Variants in SPON1 observed in about 807,000 individuals in gnomAD.
SPON1 encodes spondin 1.
In SPON1, 52 loss-of-function variants were observed where a neutral mutation model predicts 111.7. The ratio of observed to expected loss-of-function variants is 0.47; its 90% CI spans 0.37 to 0.59. SPON1 has a LOEUF of 0.59. Ranked by LOEUF, SPON1 falls within the 20% of genes least tolerant of loss-of-function variation. SPON1 has a pLI of 0.00. For synonymous variants in SPON1, 410 were observed against 395.8 expected, an observed-to-expected ratio of 1.04 and a Z score of -0.43; for missense variants, 957 against 1,068.5, an observed-to-expected ratio of 0.90 and a Z score of 1.46.
chr11:14,002,515 G>A (rs1265371319), intron 2 of SPON1, among the ~76,000 whole-genome samples: 3 of 152,170 alleles, frequency 2.0e-5, no homozygotes, highest in African/African-American at 7.2e-5. Flanking sequence ...GGACAGGGCT[G>A]AAGACTGGGG....
chr11:13,963,968 A>G (rs1554907795), intron 1 of SPON1, among the ~76,000 whole-genome samples: 1 of 152,150 alleles, frequency 6.6e-6, no homozygotes, highest in Non-Finnish European at 1.5e-5. Flanking sequence ...TCCACGTCCC[A>G]GGGATGTCGC....
intron 6 of SPON1, among the ~76,000 whole-genome samples, chr11:14,152,167 G>C (rs147627414): frequency 2.5e-4 from 38 of 152,314 alleles, no homozygotes; most frequent in Non-Finnish European, 4.4e-4. Flanking sequence ...ATGTCTCATA[G>C]TACATTGAGA....
intron 6 of SPON1, among the ~76,000 whole-genome samples, chr11:14,198,817 A>T (rs1554935317): frequency 6.6e-6 from 1 of 152,240 alleles, no homozygotes; most frequent in Admixed American, 6.5e-5. Context: ...CTTACTTAAT[A>T]ATTTACTTGC....
At chr11:14,243,223 C>A in intron 6 of SPON1, 109 bp from the exon 7 acceptor site, 1 of 1,050,358 alleles carries the variant, frequency 9.5e-7, no homozygotes, top group Non-Finnish European at 1.4e-6. Context: ...GCAGGAAAAG[C>A]CCCAACAGCA....
At position 14,179,123 on chromosome 11, in the gene SPON1, C is replaced by G. The variant is rs142476036; in HGVS notation, c.825+43555C>G. ...CTTTTTTCAGTTCATTGCACCACAA[C>G]TCAGTCAGCTCTGTATTGGGAAATA... is the stretch of plus-strand genomic sequence containing the variant. On this transcript the variant is annotated intron_variant, in intron 6 of 15. Transcript: ENST00000576479. Among the ~76,000 whole-genome samples the G allele has an allele frequency of 9.8e-5, 15 of 152,290 alleles. No individual in the cohort carries two copies. In the East Asian group the frequency reaches 2.9e-3, roughly 29 times the overall value.
chr11:14,195,558 G>T (rs1298531347), intron 6 of SPON1, among the ~76,000 whole-genome samples: 1 of 152,216 alleles, frequency 6.6e-6, no homozygotes, highest in Non-Finnish European at 1.5e-5. Context: ...AGGGTGAAAT[G>T]TCAGGTCCTA....
At chr11:14,053,393 T>C (rs1182579676) in intron 3 of SPON1, among the ~76,000 whole-genome samples, 3 of 152,234 alleles carry the variant, frequency 2.0e-5, no homozygotes, top group African/African-American at 7.2e-5. Context: ...AATGGAAGCA[T>C]ACAATGTGTG....
Position 14,156,968 on chromosome 11 carries a change from A to C in SPON1, c.825+21400A>C, listed in dbSNP as rs182939886. 4.6e-5 allele frequency among the ~76,000 whole-genome samples: 7 copies of C among 152,318 alleles called. No individual in the cohort carries two copies. In the East Asian group the frequency reaches 1.3e-3, roughly 29 times the overall value. Reference sequence around the variant, plus strand: ...GACCAGACCCCTTCTCCAACATTGAAGATTACAATTCAACATGAGATTTGG... The same window carrying C: ...GACCAGACCCCTTCTCCAACATTGACGATTACAATTCAACATGAGATTTGG... On this transcript the variant is annotated intron_variant, in intron 6 of 15. Transcript: ENST00000576479.
At chr11:14,036,004 C>A (rs1159462098) in intron 2 of SPON1, among the ~76,000 whole-genome samples, 2 of 152,066 alleles carry the variant, frequency 1.3e-5, no homozygotes, top group African/African-American at 2.4e-5. Context: ...TTTAAAAAGG[C>A]TTTGGAAATA....
At chr11:14,254,811 C>T in intron 8 of SPON1, 82 bp downstream of exon 8, 2 of 1,387,096 alleles carry the variant, frequency 1.4e-6, no homozygotes, top group East Asian at 2.3e-5. Flanking sequence ...GGATCTGTCC[C>T]AGGCTCTGTC....
intron 5 of SPON1, among the ~76,000 whole-genome samples, chr11:14,133,021 A>G (rs1253973633): frequency 1.3e-5 from 2 of 152,242 alleles, no homozygotes; most frequent in African/African-American, 4.8e-5. Flanking sequence ...TTACAAAGCC[A>G]GTAAGTGGTA....
In SPON1 at chr11:14,114,815, C is replaced by T. The variant is rs368731445; in HGVS notation, c.677-20605C>T. On this transcript the variant is annotated intron_variant, in intron 5 of 15. Coordinates refer to ENST00000576479, the MANE Select transcript of SPON1 (RefSeq NM_006108.4). The stretch of plus-strand genomic sequence containing the variant: ...TAATCCCCTAATATGCTGAGAGACC[C>T]TCAAGGGCAGGACCCTTGTCTGGTT... 4.6e-5 allele frequency among the ~76,000 whole-genome samples: 7 copies of T among 152,282 alleles called. No homozygotes were observed. The East Asian group carries it at 1.4e-3, about 29-fold the overall frequency.
chr11:14,140,717 T>G (rs868923930), intron 6 of SPON1, among the ~76,000 whole-genome samples: 1 of 151,862 alleles, frequency 6.6e-6, no homozygotes, highest in Non-Finnish European at 1.5e-5. Flanking sequence ...TTTCTTTTTC[T>G]TTTTTTTCCT....
chr11:14,201,581 AG>A, intron 6 of SPON1, among the ~76,000 whole-genome samples: 1 of 151,942 alleles, frequency 6.6e-6, no homozygotes, highest in South Asian at 2.1e-4. Flanking sequence ...TATTTTTAGA[AG>A]AGATGAGGTC....
intron 6 of SPON1, among the ~76,000 whole-genome samples, chr11:14,178,746 G>A (rs1053027291): frequency 2.0e-5 from 3 of 152,138 alleles, no homozygotes; most frequent in East Asian, 1.9e-4. Context: ...TGAAGCCCCC[G>A]GCCCTGTTTC....
intron 5 of SPON1, among the ~76,000 whole-genome samples, chr11:14,130,240 A>T (rs1554927415): frequency 6.6e-6 from 1 of 152,150 alleles, no homozygotes; most frequent in Non-Finnish European, 1.5e-5. Flanking sequence ...CCTACATCCC[A>T]CTGTGAGGTC....
intron 6 of SPON1, among the ~76,000 whole-genome samples, chr11:14,176,285 C>A (rs1848174122): frequency 6.6e-6 from 1 of 152,170 alleles, no homozygotes; most frequent in African/African-American, 2.4e-5. Flanking sequence ...AGATCCCTAA[C>A]CAAGAGCTCC....
At chr11:14,235,372 G>GAGAT (rs1285390878) in intron 6 of SPON1, among the ~76,000 whole-genome samples, 3 of 152,104 alleles carry the variant, frequency 2.0e-5, no homozygotes, top group Non-Finnish European at 4.4e-5. Flanking sequence ...CTAGCAGGGG[G>GAGAT]AGATAGACAA....
At chr11:13,969,953 T>A (rs1389618226) in intron 1 of SPON1, among the ~76,000 whole-genome samples, 3 of 152,230 alleles carry the variant, frequency 2.0e-5, no homozygotes, top group African/African-American at 7.2e-5. Flanking sequence ...GTAAGGGAGC[T>A]GAGAGGCTCA....
Sources: allele counts gnomAD v4.1 joint callset (sites outside exome capture counted in the v4.1 genomes callset), GRCh38; gene constraint gnomAD v4.1.1; transcripts MANE v1.5; gene names NCBI Gene and HGNC (gene_info 2026-07-23, HGNC 2026-07-21).